NVL: variants seen among roughly 807,000 people sequenced by gnomAD.
The protein encoded by NVL is nuclear valosin-containing protein-like.
A neutral mutation model predicts 110.2 loss-of-function variants in NVL; 84 were observed. The ratio of observed to expected loss-of-function variants is 0.76; its 90% CI spans 0.64 to 0.91. The LOEUF (loss-of-function observed/expected upper bound fraction) is 0.91, where lower values mean the gene tolerates loss of function less well. Among genes scored for constraint, NVL ranks in the 40% least tolerant of loss-of-function variants. The pLI is 0.00. For missense variants in NVL, 882 were observed against 1,035.9 expected (o/e 0.85, Z 2.04); for synonymous variants, 354 against 361.1 (o/e 0.98, Z 0.22).
At chr1:224,246,100 G>C (rs568290349) in intron 19 of NVL, among the ~76,000 whole-genome samples, 2 of 152,102 alleles carry the variant, frequency 1.3e-5, no homozygotes, top group African/African-American at 4.8e-5. Flanking sequence ...CACGATCTCG[G>C]CTCACCACAA....
Position 224,289,425 on chromosome 1 carries a change from A to G in NVL, c.1575+59T>C, listed in dbSNP as rs1051940663. 17 of 1,576,858 alleles carry G rather than the reference A, an allele frequency of 1.1e-5. No homozygotes were observed. The African/African-American group carries it at 1.6e-4, about 15-fold the overall frequency. ...CTCAATTGTATTGACCCTTGCTTCAATGTAAGATAACACAAAGAACATTAA... is the reference window on the plus strand; with the variant it reads ...CTCAATTGTATTGACCCTTGCTTCAGTGTAAGATAACACAAAGAACATTAA... On this transcript the variant is annotated intron_variant, in intron 13 of 22. Transcript: ENST00000281701.
chr1:224,249,040 G>C (rs1165184232), intron 19 of NVL, among the ~76,000 whole-genome samples: 1 of 152,214 alleles, frequency 6.6e-6, no homozygotes, highest in Admixed American at 6.5e-5. Context: ...CCCATCCCAA[G>C]GCTATAGAAA....
At chr1:224,236,210 CTT>C (rs1458838747) in intron 20 of NVL, among the ~76,000 whole-genome samples, 6 of 152,180 alleles carry the variant, frequency 3.9e-5, no homozygotes, top group Non-Finnish European at 8.8e-5. Context: ...AGATTAGTCT[CTT>C]TTAAATGCTG....
Position 224,300,639 on chromosome 1 carries a change from C to A in NVL, c.985G>T (p.Val329Leu), listed in dbSNP as rs1473008331. Residue 329 changes from valine to leucine, a missense_variant, in exon 10 of 23, where the codon GTG becomes TTG. This residue lies in a region of NVL where 416 missense variants were observed against 499.3 expected (regional missense o/e 0.83). Coordinates refer to ENST00000281701, the MANE Select transcript of NVL (RefSeq NM_002533.4). ...AGELDLPILK[V>L]AAPEIVSGVS... ...CCAGACACAATCTCTGGAGCAGCCA[C>A]TTTCAAAATTGGCAGGTCAAGTTCC... 6 of 1,613,790 alleles carry A rather than the reference C, an allele frequency of 3.7e-6. No homozygotes were observed.
rs34119387 is a variant in NVL at position 224,328,469 on chromosome 1, G to GAA, written c.57+1600_57+1601dup. Among the ~76,000 whole-genome samples, 877 of 143,808 alleles carry GAA rather than the reference G, an allele frequency of 6.1e-3. 4 individuals carry two copies. The highest frequency in any genetic ancestry group is 0.014 in the Middle Eastern group (4 of 280). The allele number at this position is 143,808 out of a possible 152,430, so 94.3% of individuals were successfully genotyped here. Reference sequence around the variant, plus strand: ...CAGGAGGCAGAGGTTGCAGTGAGCAGAAAAAAAAAAAAAAATTAGATGTCT... The same window carrying GAA: ...CAGGAGGCAGAGGTTGCAGTGAGCAGAAAAAAAAAAAAAAAAATTAGATGTCT... On this transcript the variant is annotated intron_variant, in intron 1 of 22. Coordinates refer to ENST00000281701, the MANE Select transcript of NVL (RefSeq NM_002533.4).
chr1:224,270,565 C>CA (rs1452404220), intron 17 of NVL, among the ~76,000 whole-genome samples: 2 of 151,178 alleles, frequency 1.3e-5, no homozygotes, highest in Non-Finnish European at 2.9e-5. Flanking sequence ...AAACAGAAAA[C>CA]AAACAAACAA....
At chr1:224,256,096 A>C (rs1380321203) in intron 18 of NVL, among the ~76,000 whole-genome samples, 1 of 152,152 alleles carries the variant, frequency 6.6e-6, no homozygotes, top group Non-Finnish European at 1.5e-5. Context: ...GCTCTATGCC[A>C]ATTACCATGC....
chr1:224,309,918 A>G (rs1221450788), intron 5 of NVL, among the ~76,000 whole-genome samples: 2 of 152,032 alleles, frequency 1.3e-5, no homozygotes, highest in African/African-American at 4.8e-5. Context: ...AATCTCAGCT[A>G]CTCAGGAGGC....
At chr1:224,230,871 C>T (rs958218785) in intron 22 of NVL, among the ~76,000 whole-genome samples, 6 of 152,066 alleles carry the variant, frequency 3.9e-5, no homozygotes, top group African/African-American at 1.4e-4. Flanking sequence ...CGGTGGCTCA[C>T]GCCTGTAATC....
At chr1:224,238,865 C>G (rs185327297) in intron 19 of NVL, among the ~76,000 whole-genome samples, 1 of 152,242 alleles carries the variant, frequency 6.6e-6, no homozygotes, top group African/African-American at 2.4e-5. Context: ...AACCATTTTT[C>G]TGTGTACAGG....
intron 1 of NVL, among the ~76,000 whole-genome samples, chr1:224,326,868 T>C (rs1381814833): frequency 1.3e-5 from 2 of 152,172 alleles, no homozygotes; most frequent in African/African-American, 2.4e-5. Context: ...TTAGTTTCAA[T>C]ATTAAATCAC....
intron 16 of NVL, among the ~76,000 whole-genome samples, chr1:224,276,011 T>C (rs1168326776): frequency 2.0e-5 from 3 of 152,156 alleles, no homozygotes; most frequent in Non-Finnish European, 2.9e-5. Context: ...TAAATCAAAA[T>C]ATAAAACATT....
chr1:224,285,932 T>A, intron 15 of NVL, 94 bp downstream of exon 15: 1 of 879,790 alleles, frequency 1.1e-6, no homozygotes, highest in South Asian at 1.8e-5. Flanking sequence ...AAATTATGCA[T>A]AAGACTTACC....
At chr1:224,249,086 TG>T (rs1212469187) in intron 19 of NVL, among the ~76,000 whole-genome samples, 4 of 151,986 alleles carry the variant, frequency 2.6e-5, no homozygotes, top group Admixed American at 2.6e-4. Context: ...CCTCAAAATG[TG>T]ATGTGTGAAG....
chr1:224,322,490 T>TCTCTTC (rs1331951111), intron 2 of NVL, among the ~76,000 whole-genome samples: 7 of 152,154 alleles, frequency 4.6e-5, no homozygotes, highest in Non-Finnish European at 7.3e-5. Context: ...TGTCTTAGTT[T>TCTCTTC]CTCTTCTTTT....
chr1:224,237,422 G>C (rs1330122976), intron 19 of NVL, among the ~76,000 whole-genome samples: 1 of 152,140 alleles, frequency 6.6e-6, no homozygotes, highest in Non-Finnish European at 1.5e-5. Flanking sequence ...AGACACATTA[G>C]CAATGACAAG....
chr1:224,289,862 T>C (rs1257919535), intron 12 of NVL, 129 bp from the exon 13 acceptor site: 3 of 789,010 alleles, frequency 3.8e-6, no homozygotes, highest in Non-Finnish European at 5.9e-6. Flanking sequence ...TAAGATCAAA[T>C]AGTTCAGTCA....
At chr1:224,262,623 C>A (rs143029299) in intron 18 of NVL, among the ~76,000 whole-genome samples, 35 of 152,182 alleles carry the variant, frequency 2.3e-4, no homozygotes, top group Admixed American at 3.3e-4. Flanking sequence ...CAGATTAGAG[C>A]CAGGAAGGTG....
At chr1:224,319,216 A>G (rs1400189635) in intron 2 of NVL, among the ~76,000 whole-genome samples, 1 of 151,914 alleles carries the variant, frequency 6.6e-6, no homozygotes, top group African/African-American at 2.4e-5. Flanking sequence ...CACAAATAAG[A>G]AATTTAATAT....
Sources: allele counts gnomAD v4.1 joint callset (sites outside exome capture counted in the v4.1 genomes callset), GRCh38; gene constraint gnomAD v4.1.1; regional missense constraint gnomAD v4.1.1; transcripts MANE v1.5; gene names NCBI Gene and HGNC (gene_info 2026-07-23, HGNC 2026-07-21).